The following MANBA variants were observed in gnomAD, a reference collection of about 807,000 sequenced individuals.
MANBA encodes the protein mannosidase beta, also known as beta-mannosidase.
Under a neutral mutation model 111.1 loss-of-function variants are expected in MANBA, and 83 were observed. The observed-to-expected ratio is 0.75, with a 90% CI of 0.63 to 0.90. The LOEUF is 0.90. Ranked by LOEUF, MANBA falls within the 40% of genes least tolerant of loss-of-function variation. MANBA has a pLI of 0.00. For missense variants in MANBA, 1,036 were observed against 1,069.0 expected (o/e 0.97, Z 0.43); for synonymous variants, 370 against 378.7 (o/e 0.98, Z 0.27).
intron 12 of MANBA, among the ~76,000 whole-genome samples, chr4:102,651,453 G>A (rs918136178): frequency 5.3e-5 from 8 of 151,948 alleles, no homozygotes; most frequent in Non-Finnish European, 7.4e-5. Flanking sequence ...TACAAAAAAA[G>A]AGAAAAAAGC....
Position 102,722,996 on chromosome 4 carries a change from G to A in MANBA, c.424C>T (p.Leu142=). ...TACAACACCGCTGACTGGAAACGCA[G>A]CTCAATGGAGTTCACGTCCCTGACC... is the stretch of plus-strand genomic sequence containing the variant. ...NVVRDVNSIE[L]RFQSAVLYAA... is the part of the protein sequence containing the mutation. Residue 142 remains leucine (L), a synonymous_variant, in exon 4 of 17, where the codon CTG becomes TTG. Coordinates refer to ENST00000647097, the MANE Select transcript of MANBA (RefSeq NM_005908.4). The A allele has an allele frequency of 6.2e-7, 1 of 1,614,168 alleles. No homozygotes were observed.
At chr4:102,754,656 A>G (rs984866411) in intron 1 of MANBA, among the ~76,000 whole-genome samples, 2 of 151,932 alleles carry the variant, frequency 1.3e-5, no homozygotes, top group African/African-American at 4.8e-5. Context: ...TCCCGGGTTC[A>G]TGCCATTCTT....
At chr4:102,638,595 C>T (rs1729731005) in intron 14 of MANBA, among the ~76,000 whole-genome samples, 1 of 152,182 alleles carries the variant, frequency 6.6e-6, no homozygotes, top group African/African-American at 2.4e-5. Flanking sequence ...TTTCAGTCCA[C>T]AACCTCATCC....
chr4:102,701,220 T>G (rs999736742), intron 5 of MANBA, among the ~76,000 whole-genome samples: 2 of 151,856 alleles, frequency 1.3e-5, no homozygotes, highest in African/African-American at 4.8e-5. Context: ...TGGTAGATCT[T>G]CCTCCATCCT....
At position 102,699,264 on chromosome 4, in the gene MANBA, C is replaced by T. The variant is rs1300101151; in HGVS notation, c.674-8493G>A. On this transcript the variant is annotated intron_variant, in intron 5 of 16. Transcript: ENST00000647097. ...AGCTTAAGGAGATTTTGGGCTGAGA[C>T]AATGGGGTTTTCTAGATATACAATC... Among the ~76,000 whole-genome samples, 8 of 150,644 alleles carry T rather than the reference C, an allele frequency of 5.3e-5. No individual in the cohort carries two copies. The South Asian group carries it at 1.5e-3, about 28-fold the overall frequency.
At chr4:102,712,539 A>T (rs227298) in intron 5 of MANBA, among the ~76,000 whole-genome samples, 57,978 of 149,064 alleles carry the variant, frequency 0.39, 11,802 homozygotes, top group African/African-American at 0.51. Flanking sequence ...TTTTTTTTTT[A>T]AACAGCATCT....
chr4:102,669,836 C>T lies in MANBA; in HGVS notation c.1231-787G>A, dbSNP rs934333447. Reference sequence around the variant, plus strand: ...TCTACTAAAAGTACAAAAAATTAGCCGGGCAAGGTGGTGAGCGCCTGTGGT... The same window carrying T: ...TCTACTAAAAGTACAAAAAATTAGCTGGGCAAGGTGGTGAGCGCCTGTGGT... On this transcript the variant is annotated intron_variant, in intron 9 of 16. Transcript: ENST00000647097. Among the ~76,000 whole-genome samples the T allele has an allele frequency of 3.3e-5, 5 of 151,960 alleles. No homozygotes were observed. In the East Asian group the frequency reaches 5.8e-4, roughly 18 times the overall value.
intron 7 of MANBA, among the ~76,000 whole-genome samples, chr4:102,686,929 T>A (rs1732243523): frequency 6.6e-6 from 1 of 152,194 alleles, no homozygotes; most frequent in African/African-American, 2.4e-5. Flanking sequence ...ATGCAATCCC[T>A]AAGCTTAAGA....
intron 13 of MANBA, among the ~76,000 whole-genome samples, chr4:102,647,797 C>A (rs1730166069): frequency 1.3e-5 from 2 of 152,138 alleles, no homozygotes; most frequent in Middle Eastern, 3.4e-3. Context: ...ATTTCATCAC[C>A]TTCTAAAAAA....
At chr4:102,755,256 C>T (rs1022972818) in intron 1 of MANBA, among the ~76,000 whole-genome samples, 4 of 152,164 alleles carry the variant, frequency 2.6e-5, no homozygotes, top group African/African-American at 9.7e-5. Context: ...CAGCATGGTA[C>T]TGGTACCAAA....
chr4:102,661,309 ATT>A (rs1346782160), intron 11 of MANBA, among the ~76,000 whole-genome samples: 4 of 152,120 alleles, frequency 2.6e-5, no homozygotes, highest in Admixed American at 2.6e-4. Flanking sequence ...TTGAAGCTAC[ATT>A]TTTTATAGCA....
chr4:102,641,239 G>A (rs1729866977), intron 13 of MANBA, among the ~76,000 whole-genome samples: 1 of 152,210 alleles, frequency 6.6e-6, no homozygotes, highest in Non-Finnish European at 1.5e-5. Flanking sequence ...GGTCAGCTAA[G>A]AACTGAAGGA....
intron 7 of MANBA, among the ~76,000 whole-genome samples, chr4:102,683,415 T>C (rs1366669754): frequency 6.6e-6 from 1 of 152,210 alleles, no homozygotes; most frequent in Non-Finnish European, 1.5e-5. Context: ...ACCTTATACA[T>C]AGAATACTTG....
intron 1 of MANBA, among the ~76,000 whole-genome samples, chr4:102,760,203 A>C (rs1724187054): frequency 6.6e-6 from 1 of 152,076 alleles, no homozygotes; most frequent in Non-Finnish European, 1.5e-5. Context: ...GACAAACCCA[A>C]CTTTACTCTT....
chr4:102,647,291 C>T (rs913386940), intron 13 of MANBA, among the ~76,000 whole-genome samples: 1 of 148,302 alleles, frequency 6.7e-6, no homozygotes, highest in African/African-American at 2.5e-5. Context: ...ACAAGCCACA[C>T]GAGGACAAGT....
Position 102,752,096 on chromosome 4 carries a change from G to A in MANBA, c.177+8622C>T, listed in dbSNP as rs569256589. 293 of 760,980 alleles carry A rather than the reference G, an allele frequency of 3.9e-4. 1 individual carries two copies. The highest frequency in any genetic ancestry group is 6.5e-4 in the Non-Finnish European group (265 of 406,518). The allele number at this position is 760,980 out of a possible 1,614,324, so 47.1% of individuals were successfully genotyped here. ...GATGAAATGGAGGAATCCACAAATC[G>A]ACAGAGAACACAGAGCAGCTATGAC... On this transcript the variant is annotated intron_variant, in intron 1 of 16. Coordinates refer to ENST00000647097, the MANE Select transcript of MANBA (RefSeq NM_005908.4).
chr4:102,730,273 C>T (rs528932513), intron 1 of MANBA: 23 of 555,172 alleles, frequency 4.1e-5, no homozygotes, highest in Non-Finnish European at 6.0e-5. Flanking sequence ...TACCACATAT[C>T]GTCTCATGAC....
At chr4:102,683,326 C>A (rs1732066053) in intron 7 of MANBA, among the ~76,000 whole-genome samples, 1 of 152,138 alleles carries the variant, frequency 6.6e-6, no homozygotes, top group Admixed American at 6.5e-5. Flanking sequence ...TATTTTCCTA[C>A]AATAATTTAA....
intron 1 of MANBA, among the ~76,000 whole-genome samples, chr4:102,737,585 C>G (rs543889854): frequency 6.6e-6 from 1 of 152,250 alleles, no homozygotes; most frequent in South Asian, 2.1e-4. Context: ...CGGGTTCACA[C>G]CATTCTCCTG....
Sources: gnomAD v4.1 joint callset for allele counts (sites outside exome capture counted in the v4.1 genomes callset) on GRCh38, gnomAD v4.1.1 for gene constraint, MANE v1.5 for transcripts, NCBI Gene and HGNC (gene_info 2026-07-23, HGNC 2026-07-21) for gene names.